SFMBT1: variants seen among roughly 807,000 people sequenced by gnomAD.
The protein encoded by SFMBT1 is scm-like with four MBT domains protein 1.
Under a neutral mutation model 108.7 loss-of-function variants are expected in SFMBT1, and 32 were observed. That is an observed-to-expected ratio of 0.29 (90% CI 0.22 to 0.40). SFMBT1 has a LOEUF of 0.40. Among genes scored for constraint, SFMBT1 ranks in the 10% least tolerant of loss-of-function variants. The probability of loss-of-function intolerance (pLI) is 1.00; values close to 1 mark genes in which losing one functional copy is unlikely to be tolerated. For missense variants in SFMBT1, 816 were observed against 1,059.6 expected, an observed-to-expected ratio of 0.77 and a Z score of 3.19; for synonymous variants, 348 against 369.5, an observed-to-expected ratio of 0.94 and a Z score of 0.67.
chr3:52,937,567 C>CT (rs1407626416), intron 4 of SFMBT1, among the ~76,000 whole-genome samples: 14 of 152,022 alleles, frequency 9.2e-5, no homozygotes, highest in African/African-American at 3.1e-4. Flanking sequence ...CCATAGGTAA[C>CT]TTTTTTCTAA....
chr3:52,940,372 G>T (rs1285255459), intron 4 of SFMBT1, among the ~76,000 whole-genome samples: 2 of 152,206 alleles, frequency 1.3e-5, no homozygotes, highest in African/African-American at 4.8e-5. Context: ...ATAAGAAACT[G>T]CTTAAAGAAA....
chr3:52,913,521 G>A lies in SFMBT1; in HGVS notation c.1577C>T (p.Pro526Leu), dbSNP rs1197165560. 1 of 1,614,130 alleles carries A rather than the reference G, an allele frequency of 6.2e-7. No homozygotes were observed. Among genetic ancestry groups the A allele is most frequent in the Admixed American group, 1.7e-5 (1 of 60,018 alleles). The change falls in exon 15 of 21, where the codon CCT becomes CTT. Residue 526 changes from proline (P) to leucine (L), a missense_variant. Around this residue, in one of 5 missense-constraint regions of SFMBT1, gnomAD observed 16 missense variants for 57.5 expected, o/e 0.28. Transcript: ENST00000394752. ...YLNKGRIAEL[P>L]QCVGPGNCVL... is the part of the protein sequence containing the mutation. ...ACAGTTCCCAGGTCCTACACATTGA[G>A]GCAGCTCAGCAATTCTTCCTTTGTT...
chr3:52,991,926 G>C (rs921406142), intron 1 of SFMBT1, among the ~76,000 whole-genome samples: 4 of 152,202 alleles, frequency 2.6e-5, no homozygotes, highest in African/African-American at 9.6e-5. Flanking sequence ...CAGGTGTTCT[G>C]TCATAGCAGC....
chr3:52,948,627 AATTATT>A (rs71087037), intron 3 of SFMBT1, among the ~76,000 whole-genome samples: 23 of 148,632 alleles, frequency 1.5e-4, no homozygotes, highest in Middle Eastern at 7.0e-3. Flanking sequence ...GTTGCCTTAC[AATTATT>A]ATTATTATTA....
intron 1 of SFMBT1, among the ~76,000 whole-genome samples, chr3:53,045,610 C>A (rs1288886685): frequency 7.1e-6 from 1 of 141,102 alleles, no homozygotes; most frequent in Non-Finnish European, 1.6e-5. Context: ...GCCGCGCTCC[C>A]CCCGCCCCGC....
At chr3:53,012,819 T>A (rs913482579) in intron 1 of SFMBT1, among the ~76,000 whole-genome samples, 1 of 151,646 alleles carries the variant, frequency 6.6e-6, no homozygotes, top group Non-Finnish European at 1.5e-5. Context: ...TATGGGAAAA[T>A]GGAAGACACA....
rs150154032 is a variant in SFMBT1 at position 52,985,011 on chromosome 3, C to T, written c.-130-15753G>A. ...TATGTCAAAAGCATTTAAAATCATT[C>T]TTTATCCTTATATTATCTTATAGGC... On this transcript the variant is annotated intron_variant, in intron 1 of 20. Transcript: ENST00000394752. Among the ~76,000 whole-genome samples the T allele has an allele frequency of 2.1e-3, 326 of 152,254 alleles. 1 individual carries two copies. Among genetic ancestry groups the T allele is most frequent in the African/African-American group, 6.9e-3 (288 of 41,558 alleles).
At chr3:52,971,246 T>C (rs1424253329) in intron 1 of SFMBT1, among the ~76,000 whole-genome samples, 1 of 152,242 alleles carries the variant, frequency 6.6e-6, no homozygotes, top group African/African-American at 2.4e-5. Context: ...CCATTTTTTA[T>C]CTATAAAACA....
chr3:53,014,476 AAAAACAAAACAAAAC>A (rs10576412), intron 1 of SFMBT1, among the ~76,000 whole-genome samples: 5,445 of 146,526 alleles, frequency 0.037, 294 homozygotes, highest in African/African-American at 0.12. Flanking sequence ...TGTATTTAAA[AAAAACAAAACAAAAC>A]AAAACAAAAC....
chr3:53,028,534 G>A (rs1352167464), intron 1 of SFMBT1, among the ~76,000 whole-genome samples: 1 of 152,126 alleles, frequency 6.6e-6, no homozygotes, highest in African/African-American at 2.4e-5. Context: ...GGGCATGGTG[G>A]CACATGCTTG....
chr3:52,945,688 T>G (rs1459010777), intron 3 of SFMBT1, among the ~76,000 whole-genome samples: 1 of 151,186 alleles, frequency 6.6e-6, no homozygotes, highest in Non-Finnish European at 1.5e-5. Flanking sequence ...GCGCCTGTAG[T>G]CCCAGCTACT....
At chr3:53,011,410 T>A (rs557680686) in intron 1 of SFMBT1, among the ~76,000 whole-genome samples, 1 of 152,084 alleles carries the variant, frequency 6.6e-6, no homozygotes, top group Non-Finnish European at 1.5e-5. Flanking sequence ...AGAGTACATA[T>A]AATACATAAA....
In SFMBT1 at chr3:52,954,354, G is replaced by A. The variant is rs533827143; in HGVS notation, c.86C>T (p.Thr29Ile). Residue 29 changes from threonine to isoleucine, a missense_variant, in exon 3 of 21, where the codon ACA becomes ATA. By Grantham distance (89) the Thr-to-Ile change is moderately conservative. Coordinates refer to ENST00000394752, the MANE Select transcript of SFMBT1 (RefSeq NM_016329.4). Reference protein sequence around the residue: ...ELSWEDYLEETGSTAVPYGSF... With the variant: ...ELSWEDYLEEIGSTAVPYGSF... ...CCCATAGGGAACTGCTGTGGACCCT[G>A]TTTCTTCTAGATAATCTTCCCAGCT... 5.0e-6 allele frequency: 8 copies of A among 1,613,824 alleles called. No homozygotes were observed. The South Asian group carries it at 8.8e-5, about 18-fold the overall frequency.
intron 1 of SFMBT1, among the ~76,000 whole-genome samples, chr3:53,006,086 T>C (rs972895044): frequency 1.3e-5 from 2 of 152,178 alleles, no homozygotes; most frequent in African/African-American, 4.8e-5. Flanking sequence ...GATTAGCCCA[T>C]TGGCGGAAGC....
intron 1 of SFMBT1, among the ~76,000 whole-genome samples, chr3:52,973,656 A>C (rs147957251): frequency 6.6e-6 from 1 of 152,074 alleles, no homozygotes. Flanking sequence ...TTTTACACAC[A>C]GTATCACTGT....
At chr3:52,985,295 C>T (rs1304437170) in intron 1 of SFMBT1, among the ~76,000 whole-genome samples, 1 of 152,166 alleles carries the variant, frequency 6.6e-6, no homozygotes, top group African/African-American at 2.4e-5. Context: ...GTTGCTGTTT[C>T]TCAGCTTTCT....
intron 17 of SFMBT1, among the ~76,000 whole-genome samples, chr3:52,909,262 A>G (rs571128795): frequency 1.3e-5 from 2 of 152,318 alleles, no homozygotes; most frequent in Non-Finnish European, 2.9e-5. Flanking sequence ...TTCCCCTCAC[A>G]TATCTTCCTT....
At chr3:52,931,157 C>T in intron 6 of SFMBT1, 122 bp from the exon 7 acceptor site, 1 of 804,186 alleles carries the variant, frequency 1.2e-6, no homozygotes, top group South Asian at 1.6e-5. Flanking sequence ...AGGGTTCAAG[C>T]CCACTTATAT....
rs1702034573 is a variant in SFMBT1, at chr3:52,905,142, G to A, written c.2595C>T (p.Ala865=). Reference sequence around the variant, plus strand: ...CTCACTTTGGTTGTCCTTCTCAGTTGGCAAACTGCTCATAAAAAGCAAACT... The same window carrying A: ...CTCACTTTGGTTGTCCTTCTCAGTTAGCAAACTGCTCATAAAAAGCAAACT... ...RIKFAFYEQF[A]N is the part of the protein sequence containing the mutation. Residue 865 remains alanine, a synonymous_variant, in exon 21 of 21, where the codon GCC becomes GCT. Coordinates refer to ENST00000394752, the MANE Select transcript of SFMBT1 (RefSeq NM_016329.4). 3 of 1,613,430 alleles carry A rather than the reference G, an allele frequency of 1.9e-6. No homozygotes were observed. Among genetic ancestry groups the A allele is most frequent in the Non-Finnish European group, 1.7e-6 (2 of 1,179,776 alleles).
Sources: gnomAD v4.1 joint callset for allele counts (sites outside exome capture counted in the v4.1 genomes callset) on GRCh38, gnomAD v4.1.1 for gene constraint, gnomAD v4.1.1 regional missense constraint, MANE v1.5 for transcripts, NCBI Gene and HGNC (gene_info 2026-07-23, HGNC 2026-07-21) for gene names.